The following NCKAP5 variants were observed in gnomAD, a reference collection of about 807,000 sequenced individuals.
NCKAP5 encodes the protein nck-associated protein 5.
A neutral mutation model predicts 167.0 loss-of-function variants in NCKAP5; 92 were observed. That is an observed-to-expected ratio of 0.55 (90% CI 0.47 to 0.66). NCKAP5 has a LOEUF of 0.66. Among genes scored for constraint, NCKAP5 ranks in the 30% least tolerant of loss-of-function variants. The pLI, the probability that NCKAP5 is intolerant of heterozygous loss-of-function variation, is 0.00. For synonymous variants in NCKAP5, 891 were observed against 877.4 expected, an observed-to-expected ratio of 1.02 and a Z score of -0.27; for missense variants, 2,378 against 2,315.0, an observed-to-expected ratio of 1.03 and a Z score of -0.56.
chr2:133,041,730 C>T (rs187892408), intron 6 of NCKAP5, among the ~76,000 whole-genome samples: 2 of 152,194 alleles, frequency 1.3e-5, no homozygotes, highest in African/African-American at 2.4e-5. Flanking sequence ...CTTGATTAAA[C>T]ATTTGACCAA....
At position 132,784,129 on chromosome 2, in the gene NCKAP5, C is replaced by A; in HGVS notation, c.2682G>T (p.Gly894=). The change falls in exon 14 of 20, where the codon GGG becomes GGT. Residue 894 remains glycine (G), a synonymous_variant. Coordinates refer to ENST00000409261, the MANE Select transcript of NCKAP5 (RefSeq NM_207363.3). ...ACTCAATGGCAGGCCTTGACCGTGA[C>A]CCTGGAGTCTGACTCTTGGGGCACT... The part of the protein sequence containing the change: ...WVQCPKSQTP[G]SRSRPAIESS... 1.3e-6 allele frequency: 2 copies of A among 1,524,194 alleles called. No homozygotes were observed. The highest frequency in any genetic ancestry group is 1.8e-6 in the Non-Finnish European group (2 of 1,138,544). The allele number at this position is 1,524,194 out of a possible 1,614,324, so 94.4% of individuals were successfully genotyped here.
At chr2:133,574,420 G>C in the NCKAP5 span, among the ~76,000 whole-genome samples, 2 of 152,266 alleles carry the variant, frequency 1.3e-5, no homozygotes, top group African/African-American at 4.8e-5. Flanking sequence ...TTCAGGCTCT[G>C]GTGGCCCTGC....
intron 6 of NCKAP5, among the ~76,000 whole-genome samples, chr2:133,002,822 G>C (rs912947055): frequency 2.0e-5 from 3 of 152,298 alleles, no homozygotes; most frequent in East Asian, 3.9e-4. Flanking sequence ...TTTGTGGAGT[G>C]AATGATTGAA....
chr2:133,024,990 G>A (rs766345600), intron 6 of NCKAP5, among the ~76,000 whole-genome samples: 14 of 152,172 alleles, frequency 9.2e-5, no homozygotes, highest in Non-Finnish European at 1.3e-4. Flanking sequence ...TAACCAAGTC[G>A]TATAGTTGTC....
intron 19 of NCKAP5, among the ~76,000 whole-genome samples, chr2:132,679,351 C>G (rs1475437352): frequency 6.6e-6 from 1 of 152,078 alleles, no homozygotes; most frequent in Non-Finnish European, 1.5e-5. Flanking sequence ...AAGTCAGTCC[C>G]TCATTCCCTG....
chr2:133,647,412 G>GAAGGAAGGAAGT, the NCKAP5 span, among the ~76,000 whole-genome samples: 1 of 118,692 alleles, frequency 8.4e-6, no homozygotes, highest in African/African-American at 4.0e-5. Flanking sequence ...AGGAAGGAAG[G>GAAGGAAGGAAGT]AAGGAAGAGA....
chr2:132,726,771 T>C (rs1295318466), intron 18 of NCKAP5, among the ~76,000 whole-genome samples: 1 of 152,232 alleles, frequency 6.6e-6, no homozygotes, highest in Non-Finnish European at 1.5e-5. Context: ...CATTCAACAG[T>C]GTTTACTAAG....
chr2:132,961,081 C>T (rs1026859502), intron 8 of NCKAP5, among the ~76,000 whole-genome samples: 4 of 151,920 alleles, frequency 2.6e-5, no homozygotes, highest in Admixed American at 1.3e-4. Context: ...ATTAATTCCC[C>T]TGCAATCTTC....
At chr2:133,415,114 C>T (rs950953578) in intron 3 of NCKAP5, among the ~76,000 whole-genome samples, 1 of 152,204 alleles carries the variant, frequency 6.6e-6, no homozygotes, top group African/African-American at 2.4e-5. Context: ...CAGGTTAGCT[C>T]AACCCCATTG....
At chr2:133,044,547 T>C (rs192909646) in intron 6 of NCKAP5, among the ~76,000 whole-genome samples, 37 of 152,198 alleles carry the variant, frequency 2.4e-4, no homozygotes, top group African/African-American at 8.2e-4. Context: ...AAACAATAGA[T>C]GGACCAAAAA....
chr2:133,617,304 G>T, the NCKAP5 span, among the ~76,000 whole-genome samples: 5 of 152,120 alleles, frequency 3.3e-5, no homozygotes, highest in Non-Finnish European at 7.3e-5. Flanking sequence ...TCTGGCCAGG[G>T]CAATTAGGCA....
At chr2:133,606,261 C>T in the NCKAP5 span, among the ~76,000 whole-genome samples, 4 of 152,106 alleles carry the variant, frequency 2.6e-5, no homozygotes, top group Admixed American at 1.3e-4. Flanking sequence ...ATTATAATAT[C>T]TCAGGAATTC....
chr2:132,704,550 A>T (rs114278834), intron 19 of NCKAP5, among the ~76,000 whole-genome samples: 5,252 of 152,102 alleles, frequency 0.035, 312 homozygotes, highest in African/African-American at 0.12. Context: ...CAGACTTCTC[A>T]CTCTCCAAAG....
At chr2:133,379,321 G>A (rs1470089350) in intron 3 of NCKAP5, among the ~76,000 whole-genome samples, 1 of 152,108 alleles carries the variant, frequency 6.6e-6, no homozygotes, top group Non-Finnish European at 1.5e-5. Context: ...GTCCTTGCAT[G>A]TCCTTTGAAT....
At chr2:133,430,862 G>C (rs1311260625) in intron 3 of NCKAP5, among the ~76,000 whole-genome samples, 1 of 151,396 alleles carries the variant, frequency 6.6e-6, no homozygotes, top group Non-Finnish European at 1.5e-5. Context: ...GGGGGTGGGG[G>C]TGGAGAGGGA....
chr2:133,400,769 T>C (rs532360150), intron 3 of NCKAP5, among the ~76,000 whole-genome samples: 8 of 152,322 alleles, frequency 5.3e-5, no homozygotes, highest in African/African-American at 1.9e-4. Context: ...TATTTTTAAA[T>C]TTGCATTTCA....
chr2:133,112,302 G>A (rs1473490871), intron 6 of NCKAP5, among the ~76,000 whole-genome samples: 5 of 152,002 alleles, frequency 3.3e-5, no homozygotes, highest in South Asian at 4.2e-4. Context: ...GTGAAACCCC[G>A]TCTCTACTAA....
intron 5 of NCKAP5, among the ~76,000 whole-genome samples, chr2:133,178,884 GC>G (rs1225990602): frequency 2.1e-4 from 32 of 150,552 alleles, no homozygotes; most frequent in Admixed American, 2.0e-3. Context: ...AACCAGCAGG[GC>G]CTAAGCATGG....
intron 7 of NCKAP5, among the ~76,000 whole-genome samples, chr2:132,991,430 C>G (rs1341534406): frequency 6.6e-6 from 1 of 152,176 alleles, no homozygotes; most frequent in African/African-American, 2.4e-5. Flanking sequence ...CATAGTGGGA[C>G]CGTCTCAGTT....
Sources: allele counts gnomAD v4.1 joint callset (sites outside exome capture counted in the v4.1 genomes callset), GRCh38; gene constraint gnomAD v4.1.1; transcripts MANE v1.5; gene names NCBI Gene and HGNC (gene_info 2026-07-23, HGNC 2026-07-21).